The following PRRG1 variants were observed in gnomAD, a reference collection of about 807,000 sequenced individuals.
The protein encoded by PRRG1 is transmembrane gamma-carboxyglutamic acid protein 1.
Under a neutral mutation model 11.8 loss-of-function variants are expected in PRRG1, and 5 were observed. The ratio of observed to expected loss-of-function variants is 0.42; its 90% CI spans 0.22 to 0.89. PRRG1 has a LOEUF of 0.89. PRRG1 is among the 40% of genes least tolerant of loss of function. The pLI, the probability that PRRG1 is intolerant of heterozygous loss-of-function variation, is 0.28. For missense variants in PRRG1, 155 were observed against 166.1 expected, an observed-to-expected ratio of 0.93 and a Z score of 0.37; for synonymous variants, 66 against 60.4, an observed-to-expected ratio of 1.09 and a Z score of -0.43.
In PRRG1 at chrX:37,453,681, CA is replaced by C; in HGVS notation, c.*61del. The C allele has an allele frequency of 9.7e-7, 1 of 1,031,871 alleles. No homozygotes were observed. 85.0% of individuals were successfully genotyped at this position (1,031,871 alleles called of 1,213,427 possible). On this transcript the variant is annotated 3_prime_UTR_variant, in exon 4 of 4. Transcript: ENST00000378628. ...AAATACTAATGGAAGAACTTTCTAG[CA>C]CTTTACCACTACATAAATGTTCATT...
intron 2 of PRRG1, among the ~76,000 whole-genome samples, chrX:37,417,718 C>T (rs1932538728): frequency 9.0e-6 from 1 of 110,734 alleles, no homozygotes; most frequent in African/African-American, 3.3e-5. Flanking sequence ...ACACCTATTT[C>T]AGCAGAAAAA....
At chrX:37,363,131 T>A (rs1930465344) in intron 1 of PRRG1, among the ~76,000 whole-genome samples, 1 of 111,931 alleles carries the variant, frequency 8.9e-6, no homozygotes. Flanking sequence ...GGCTTTTATC[T>A]CCATTTTCTA....
intron 1 of PRRG1, among the ~76,000 whole-genome samples, chrX:37,350,302 A>T (rs1280107186): frequency 8.9e-6 from 1 of 111,852 alleles, no homozygotes; most frequent in Non-Finnish European, 1.9e-5. Flanking sequence ...ATTTGAGAGG[A>T]AATAATTGAA....
At chrX:37,399,804 A>G (rs1476933443) in intron 1 of PRRG1, among the ~76,000 whole-genome samples, 8 of 106,309 alleles carry the variant, frequency 7.5e-5, no homozygotes, top group African/African-American at 2.4e-4. Flanking sequence ...AAGCAAATGG[A>G]AAACAAAAAA....
intron 1 of PRRG1, among the ~76,000 whole-genome samples, chrX:37,406,006 C>T (rs1211555123): frequency 7.2e-5 from 8 of 111,771 alleles, no homozygotes; most frequent in Non-Finnish European, 1.5e-4. Flanking sequence ...ATATAGAGCC[C>T]CTGCTTCCAG....
intron 1 of PRRG1, among the ~76,000 whole-genome samples, chrX:37,394,188 T>C (rs893893193): frequency 2.7e-5 from 3 of 112,278 alleles, no homozygotes; most frequent in Non-Finnish European, 5.6e-5. Flanking sequence ...CAAATACCAG[T>C]TGAATTTCTA....
intron 1 of PRRG1, among the ~76,000 whole-genome samples, chrX:37,382,172 A>G (rs145463057): frequency 0.038 from 4,272 of 111,369 alleles, 202 homozygotes; most frequent in African/African-American, 0.13. Flanking sequence ...CTGCCATACC[A>G]TCTCCACTTC....
At chrX:37,373,168 A>G (rs782575474) in intron 1 of PRRG1, among the ~76,000 whole-genome samples, 3 of 112,096 alleles carry the variant, frequency 2.7e-5, no homozygotes, top group Non-Finnish European at 5.6e-5. Flanking sequence ...GTCTGTTTTT[A>G]TGCCAGCACA....
intron 3 of PRRG1, chrX:37,441,488 C>T (rs929197959): frequency 1.6e-5 from 12 of 753,961 alleles, no homozygotes; most frequent in African/African-American, 1.4e-4. Context: ...CCACAGCTCC[C>T]GCCTGCCTGC....
At chrX:37,447,955 G>A (rs73466295) in intron 3 of PRRG1, among the ~76,000 whole-genome samples, 1,497 of 112,058 alleles carry the variant, frequency 0.013, 33 homozygotes, top group African/African-American at 0.045. Flanking sequence ...AAAGAATGAG[G>A]TTTTAGCAGT....
intron 3 of PRRG1, chrX:37,441,033 T>A (rs782392213): frequency 8.4e-5 from 81 of 966,369 alleles, no homozygotes; most frequent in Non-Finnish European, 1.0e-4. Context: ...CCTCCCAAAG[T>A]GCTGGGATTT....
chrX:37,373,659 T>G (rs1322899469), intron 1 of PRRG1, among the ~76,000 whole-genome samples: 1 of 112,229 alleles, frequency 8.9e-6, no homozygotes, highest in East Asian at 2.8e-4. Context: ...TGTACCTGTT[T>G]TAACCAAATT....
At chrX:37,402,119 G>T (rs1306563251) in intron 1 of PRRG1, among the ~76,000 whole-genome samples, 7 of 111,460 alleles carry the variant, frequency 6.3e-5, no homozygotes, top group African/African-American at 2.3e-4. Flanking sequence ...TTTCTTCACA[G>T]AATTGGAAAA....
chrX:37,390,089 T>A (rs1158186193), intron 1 of PRRG1, among the ~76,000 whole-genome samples: 1 of 111,706 alleles, frequency 9.0e-6, no homozygotes, highest in Non-Finnish European at 1.9e-5. Context: ...AGATTTAGTG[T>A]CTGGTGAGAG....
At chrX:37,354,441 G>A (rs1364513447) in intron 1 of PRRG1, among the ~76,000 whole-genome samples, 2 of 106,417 alleles carry the variant, frequency 1.9e-5, no homozygotes, top group Admixed American at 2.0e-4. Context: ...CGCCCAGGCT[G>A]GAGTGCAGTG....
At chrX:37,414,176 T>G (rs1190854898) in intron 2 of PRRG1, among the ~76,000 whole-genome samples, 1 of 112,538 alleles carries the variant, frequency 8.9e-6, no homozygotes, top group East Asian at 2.8e-4. Context: ...AGGTGTTTGT[T>G]AAGATCTTTG....
chrX:37,453,515 G>A lies in PRRG1; in HGVS notation c.551G>A (p.Ser184Asn). Residue 184 changes from serine to asparagine, a missense_variant, in exon 4 of 4, where the codon AGT (serine) becomes AAT (asparagine). Transcript: ENST00000378628. ...EATGQVNLQR[S>N]ETEPHLDPPP... is the part of the protein sequence containing the mutation. Reference sequence around the variant, plus strand: ...ACTGGCCAAGTGAACCTGCAGAGGAGTGAAACAGAACCTCATTTAGACCCA... The same window carrying A: ...ACTGGCCAAGTGAACCTGCAGAGGAATGAAACAGAACCTCATTTAGACCCA... 2.5e-6 allele frequency: 3 copies of A among 1,211,269 alleles called. No homozygotes were observed. Among genetic ancestry groups the A allele is most frequent in the East Asian group, 3.0e-5 (1 of 33,841 alleles).
At chrX:37,422,285 T>C (rs1385062725) in intron 2 of PRRG1, among the ~76,000 whole-genome samples, 1 of 111,798 alleles carries the variant, frequency 8.9e-6, no homozygotes, top group African/African-American at 3.2e-5. Context: ...CCCAGGGATA[T>C]CTTAGACCAC....
At chrX:37,425,488 C>T (rs1303822618) in intron 2 of PRRG1, among the ~76,000 whole-genome samples, 1 of 112,224 alleles carries the variant, frequency 8.9e-6, no homozygotes, top group East Asian at 2.8e-4. Context: ...GATTTGGCTG[C>T]TGCTGTCTGT....
Sources: gnomAD v4.1 joint callset for allele counts (sites outside exome capture counted in the v4.1 genomes callset) on GRCh38, gnomAD v4.1.1 for gene constraint, MANE v1.5 for transcripts, NCBI Gene and HGNC (gene_info 2026-07-23, HGNC 2026-07-21) for gene names.